The following ADAMTS4 variants were observed in gnomAD, a reference collection of about 807,000 sequenced individuals.
ADAMTS4 encodes A disintegrin and metalloproteinase with thrombospondin motifs 4.
A neutral mutation model predicts 66.7 loss-of-function variants in ADAMTS4; 38 were observed. The ratio of observed to expected loss-of-function variants is 0.57; its 90% CI spans 0.44 to 0.75. The LOEUF (loss-of-function observed/expected upper bound fraction) is 0.75. ADAMTS4 is among the 30% of genes least tolerant of loss of function. The pLI, the probability that ADAMTS4 is intolerant of heterozygous loss-of-function variation, is 0.00. For missense variants in ADAMTS4, 1,014 were observed against 1,116.7 expected, an observed-to-expected ratio of 0.91 and a Z score of 1.31; for synonymous variants, 418 against 461.5, an observed-to-expected ratio of 0.91 and a Z score of 1.21.
At chr1:161,197,629 T>A (rs1201653261) in intron 1 of ADAMTS4, 2 of 222,868 alleles carry the variant, frequency 9.0e-6, no homozygotes, top group Non-Finnish European at 1.7e-5. Context: ...GGGATGAAAA[T>A]CAAATTTGGA....
In ADAMTS4 at chr1:161,187,830, C is replaced by G. The variant is rs1664569981; in HGVS notation, c.*3308G>C. ...CACAACCCCACATCCAGTACCTTCC[C>G]CAATCCCTAGCAGTCCTGCGTCTGC... On this transcript the variant is annotated 3_prime_UTR_variant, in exon 9 of 9. Transcript: ENST00000367996. 1 of 152,282 alleles carries G rather than the reference C, an allele frequency of 6.6e-6. No homozygotes were observed. Among genetic ancestry groups the G allele is most frequent in the African/African-American group, 2.4e-5 (1 of 41,438 alleles). The allele number at this position is 152,282 out of a possible 1,614,324, so 9.4% of individuals were successfully genotyped here.
chr1:161,190,830 A>C lies in ADAMTS4; in HGVS notation c.*308T>G. On this transcript the variant is annotated 3_prime_UTR_variant, in exon 9 of 9. Coordinates refer to ENST00000367996, the MANE Select transcript of ADAMTS4 (RefSeq NM_005099.6). ...TGCTAAATAAAAGTGAATAAATACT[A>C]AATAAATACAACTGGGGCCCAGGCC... The C allele has an allele frequency of 3.4e-6, 1 of 289,892 alleles. No homozygotes were observed. Among genetic ancestry groups the C allele is most frequent in the Non-Finnish European group, 6.5e-6 (1 of 153,208 alleles). 18.0% of individuals were successfully genotyped at this position (289,892 alleles called of 1,614,324 possible). A position where few individuals can be genotyped will look rare whatever the true frequency, so the allele number is the denominator to read the frequency against.
At chr1:161,196,969 G>A (rs959770557) in intron 1 of ADAMTS4, 89 bp from the exon 2 acceptor site, 3 of 1,255,398 alleles carry the variant, frequency 2.4e-6, no homozygotes, top group East Asian at 4.7e-5. Context: ...TCCTGGGTCT[G>A]GAACTCAGCA....
In ADAMTS4 at chr1:161,194,135, G is replaced by A. The variant is rs777686936; in HGVS notation, c.1348C>T (p.Gln450Ter). 7.4e-6 allele frequency: 12 copies of A among 1,614,090 alleles called. No homozygotes were observed. Among genetic ancestry groups the A allele is most frequent in the African/African-American group, 1.3e-5 (1 of 74,938 alleles). ...GKDYDADRQC[Q>*]LTFGPDSRHC... ...CGTGAGTCGGGCCCGAAGGTCAGCT[G>A]GCACTGGCGGTCAGCATCATAGTCC... The change falls in exon 5 of 9, where the codon CAG becomes TAG. Residue 450 changes from glutamine to a stop codon, truncating the protein, a stop_gained. Coordinates refer to ENST00000367996, the MANE Select transcript of ADAMTS4 (RefSeq NM_005099.6). LOFTEE classifies it high-confidence loss of function. The surrounding 1 kb of genome is among the most constrained non-coding windows in gnomAD (Gnocchi z 4.1).
rs773161234 is a variant in ADAMTS4 at position 161,193,785 on chromosome 1, AC to A, written c.1589del (p.Gly530ValfsTer51). The A allele has an allele frequency of 1.5e-5, 24 of 1,612,196 alleles. No individual in the cohort carries two copies. Among genetic ancestry groups the A allele is most frequent in the Non-Finnish European group, 2.0e-5 (23 of 1,179,136 alleles). On this transcript the variant is annotated frameshift_variant, in exon 6 of 9. Coordinates refer to ENST00000367996, the MANE Select transcript of ADAMTS4 (RefSeq NM_005099.6). LOFTEE classifies it high-confidence loss of function. This position sits in a 1 kb window ranked among gnomAD's most constrained non-coding sequence, Gnocchi z 4.4. ...AGGWGPWGPW[G>X]DCSRTCGGGV... is the part of the protein sequence containing the mutation. ...CACCCCCACAGGTCCGAGAGCAGTC[AC>A]CCCATGGTCCCCAAGGACCCCAGCC...
In ADAMTS4 at chr1:161,191,326, G is replaced by C. The variant is rs760726172; in HGVS notation, c.2326C>G (p.Pro776Ala). ...AASETLSGHG[P>A]LAQPLTLQVL... ...TGCAGTGTCAAAGGCTGGGCCAGTG[G>C]CCCATGGCCTGACAGTGTCTCTGAG... Residue 776 changes from proline to alanine, a missense_variant, in exon 9 of 9, where the codon CCA (proline) becomes GCA (alanine). By Grantham distance (27) the Pro-to-Ala change is conservative (BLOSUM62 -1). Coordinates refer to ENST00000367996, the MANE Select transcript of ADAMTS4 (RefSeq NM_005099.6). 9 of 1,613,992 alleles carry C rather than the reference G, an allele frequency of 5.6e-6. No individual in the cohort carries two copies. Among genetic ancestry groups the C allele is most frequent in the Non-Finnish European group, 6.8e-6 (8 of 1,180,026 alleles).
chr1:161,198,526 C>T lies in ADAMTS4; in HGVS notation c.102G>A (p.Leu34=). 1 of 1,567,220 alleles carries T rather than the reference C, an allele frequency of 6.4e-7. No individual in the cohort carries two copies. The change falls in exon 1 of 9, where the codon CTG becomes CTA. Residue 34 remains leucine, a synonymous_variant. Transcript: ENST00000367996. This position sits in a 1 kb window ranked among gnomAD's most constrained non-coding sequence, Gnocchi z 4.7. ...CCAGCAGTAGCAGAAGCAGCCACAC[C>T]AGCCAGGAGAGCGGCACAATGGGGA... ...LLLPIVPLSW[L]VWLLLLLLAS...
chr1:161,197,990 C>A lies in ADAMTS4; in HGVS notation c.633+5G>T. 2 of 1,550,250 alleles carry A rather than the reference C, an allele frequency of 1.3e-6. No homozygotes were observed. The highest frequency in any genetic ancestry group is 1.7e-6 in the Non-Finnish European group (2 of 1,146,400). ...CCGCAGGACACAGACTCCAGAGATG[C>A]CTACCTTGGCTCTTCGGGGTCTGGG... On this transcript the variant is annotated splice_donor_5th_base_variant and intron_variant, in intron 1 of 8. Transcript: ENST00000367996.
rs1254596695 is a variant in ADAMTS4 at position 161,185,775 on chromosome 1, T to A, written c.*5363A>T. The A allele has an allele frequency of 2.0e-5, 3 of 152,164 alleles. No homozygotes were observed. The highest frequency in any genetic ancestry group is 4.4e-5 in the Non-Finnish European group (3 of 68,048). The allele number at this position is 152,164 out of a possible 1,614,324, so 9.4% of individuals were successfully genotyped here. ...GATGGAAGAGAAGTGTAAATGCCGA[T>A]TCCACAGCACACTCCAGGAACCCTG... On this transcript the variant is annotated 3_prime_UTR_variant, in exon 9 of 9. Transcript: ENST00000367996.
Position 161,198,350 on chromosome 1 carries a change from AGCAGC to A in ADAMTS4, c.273_277del (p.Leu92ThrfsTer24). 2 of 1,613,318 alleles carry A rather than the reference AGCAGC, an allele frequency of 1.2e-6. No individual in the cohort carries two copies. The highest frequency in any genetic ancestry group is 1.7e-6 in the Non-Finnish European group (2 of 1,179,960). On this transcript the variant is annotated frameshift_variant, in exon 1 of 9. Transcript: ENST00000367996. LOFTEE classifies it high-confidence loss of function. The surrounding 1 kb of genome is among the most constrained non-coding windows in gnomAD (Gnocchi z 4.7). Reference sequence around the variant, plus strand: ...ACCGGAGTCCTGCTCCAGCTCTAGTAGCAGCGTCTCCCCAAAGGCCTGCAAGCGGC... The same window carrying A: ...ACCGGAGTCCTGCTCCAGCTCTAGTAGTCTCCCCAAAGGCCTGCAAGCGGC...
rs1664747915 is a variant in ADAMTS4 at position 161,193,905 on chromosome 1, C to T, written c.1548+30G>A. 1 of 1,562,452 alleles carries T rather than the reference C, an allele frequency of 6.4e-7. No individual in the cohort carries two copies. Among genetic ancestry groups the T allele is most frequent in the African/African-American group, 1.4e-5 (1 of 73,856 alleles). ...AGGCCAGTCCCCACACCCCCGGGCC[C>T]TTTACCCCACCCCTGCCCTAGGATC... On this transcript the variant is annotated intron_variant, in intron 5 of 8. Transcript: ENST00000367996. The surrounding 1 kb of genome is among the most constrained non-coding windows in gnomAD (Gnocchi z 4.4).
At position 161,187,905 on chromosome 1, in the gene ADAMTS4, C is replaced by A. The variant is rs1158023599; in HGVS notation, c.*3233G>T. ...GGGTCTACCTACCACCCTTGCCCAT[C>A]CCTGTTCCATCCATGACACATAGAG... On this transcript the variant is annotated 3_prime_UTR_variant, in exon 9 of 9. Coordinates refer to ENST00000367996, the MANE Select transcript of ADAMTS4 (RefSeq NM_005099.6). The A allele has an allele frequency of 6.5e-6, 1 of 152,968 alleles. No homozygotes were observed. Among genetic ancestry groups the A allele is most frequent in the Non-Finnish European group, 1.5e-5 (1 of 68,830 alleles). 9.5% of individuals were successfully genotyped at this position (152,968 alleles called of 1,614,324 possible).
chr1:161,194,319 T>A lies in ADAMTS4; in HGVS notation c.1262-98A>T. The A allele has an allele frequency of 8.7e-7, 1 of 1,148,858 alleles. No homozygotes were observed. Among genetic ancestry groups the A allele is most frequent in the Non-Finnish European group, 1.2e-6 (1 of 807,300 alleles). The allele number at this position is 1,148,858 out of a possible 1,614,324, so 71.2% of individuals were successfully genotyped here. On this transcript the variant is annotated intron_variant, in intron 4 of 8. Transcript: ENST00000367996. The surrounding 1 kb of genome is among the most constrained non-coding windows in gnomAD (Gnocchi z 4.1). ...AGGCTCCCTGGGGCCTGATGGAGCCTAGAAAAACAATCCTAGGACTATAAG... is the reference window on the plus strand; with the variant it reads ...AGGCTCCCTGGGGCCTGATGGAGCCAAGAAAAACAATCCTAGGACTATAAG...
In ADAMTS4 at chr1:161,195,564, G is replaced by A. The variant is rs150496191; in HGVS notation, c.1162C>T (p.Arg388Cys). The A allele has an allele frequency of 6.4e-5, 103 of 1,614,016 alleles. No individual in the cohort carries two copies. Among genetic ancestry groups the A allele is most frequent in the Admixed American group, 3.3e-4 (20 of 59,996 alleles). Residue 388 changes from arginine to cysteine, a missense_variant, in exon 4 of 9, where the codon CGC (arginine) becomes TGC (cysteine). Arg to Cys is a radical substitution (Grantham distance 180, BLOSUM62 -3). Transcript: ENST00000367996. The stretch of plus-strand genomic sequence containing the variant: ...GCCATCACAGGGGCCATGACATGGC[G>A]AGAGGTGCTCAAAGGCCCATTCAAA... ...ISLNGPLSTS[R>C]HVMAPVMAHV...
chr1:161,198,191 C>T lies in ADAMTS4; in HGVS notation c.437G>A (p.Gly146Glu), dbSNP rs61747494. 3,935 of 1,614,094 alleles carry T rather than the reference C, an allele frequency of 2.4e-3. 10 individuals carry two copies. Among genetic ancestry groups the T allele is most frequent in the Middle Eastern group, 4.6e-3 (28 of 6,062 alleles). ...TTGTAACACGCCTAACAGGGCTCCC[C>T]CATCCCAGTGCAGAGATGCCACCGA... ...PESVASLHWD[G>E]GALLGVLQYR... The change falls in exon 1 of 9, where the codon GGG becomes GAG. Residue 146 changes from glycine to glutamate, a missense_variant. By Grantham distance (98) the Gly-to-Glu change is moderately conservative. Transcript: ENST00000367996. This position sits in a 1 kb window ranked among gnomAD's most constrained non-coding sequence, Gnocchi z 4.7.
Position 161,198,225 on chromosome 1 carries a change from C to T in ADAMTS4, c.403G>A (p.Asp135Asn). The change falls in exon 1 of 9, where the codon GAT becomes AAT. Residue 135 changes from aspartate (D) to asparagine (N), a missense_variant. Transcript: ENST00000367996. The surrounding 1 kb of genome is among the most constrained non-coding windows in gnomAD (Gnocchi z 4.7). ...TGCAGAGATGCCACCGACTCCGGATCTCCATTGATGGTGCCAGTCAGGTAG... is the reference window on the plus strand; with the variant it reads ...TGCAGAGATGCCACCGACTCCGGATTTCCATTGATGGTGCCAGTCAGGTAG... ...GTYLTGTINGDPESVASLHWD... is the reference protein window; with the variant it reads ...GTYLTGTINGNPESVASLHWD... 1 of 1,614,144 alleles carries T rather than the reference C, an allele frequency of 6.2e-7. No homozygotes were observed. Among genetic ancestry groups the T allele is most frequent in the Non-Finnish European group, 8.5e-7 (1 of 1,180,010 alleles).
rs1256912569 is a variant in ADAMTS4 at position 161,191,477 on chromosome 1, G to C, written c.2175C>G (p.Ile725Met). The C allele has an allele frequency of 9.9e-6, 16 of 1,614,036 alleles. No homozygotes were observed. Among genetic ancestry groups the C allele is most frequent in the Non-Finnish European group, 1.2e-5 (14 of 1,179,996 alleles). ...CATCTGGCAGCTTCAGGGCCAAGTA[G>C]ATGCTCCGGTGGCCAGGGTTTCCCT... ...RQQGNPGHRS[I>M]YLALKLPDGS... Residue 725 changes from isoleucine (I) to methionine (M), a missense_variant, in exon 9 of 9, where the codon ATC becomes ATG. By Grantham distance (10) the Ile-to-Met change is conservative (BLOSUM62 1). Transcript: ENST00000367996.
chr1:161,197,115 G>A, intron 1 of ADAMTS4: 1 of 512,758 alleles, frequency 2.0e-6, no homozygotes, highest in South Asian at 2.4e-5. Flanking sequence ...AGAAGGGGAG[G>A]AGAAGGGGAC....
In ADAMTS4 at chr1:161,192,213, C is replaced by T; in HGVS notation, c.1939G>A (p.Asp647Asn). ...RVVDGTPCSP[D>N]SSSVCVQGRC... ...CCCTGGACACAGACCGAGGAGCTGT[C>T]CGGGGAACAGGGGGTCCCATCTACC... The change falls in exon 8 of 9, where the codon GAC becomes AAC. Residue 647 changes from aspartate (D) to asparagine (N), a missense_variant. Coordinates refer to ENST00000367996, the MANE Select transcript of ADAMTS4 (RefSeq NM_005099.6). The T allele has an allele frequency of 6.2e-7, 1 of 1,613,896 alleles. No homozygotes were observed. Among genetic ancestry groups the T allele is most frequent in the Non-Finnish European group, 8.5e-7 (1 of 1,179,946 alleles).
Sources: allele counts gnomAD v4.1 joint callset, GRCh38; gene constraint gnomAD v4.1.1; non-coding constraint Gnocchi (gnomAD v3.1); transcripts MANE v1.5; gene names NCBI Gene and HGNC (gene_info 2026-07-23, HGNC 2026-07-21).